The following KDM4C variants were observed in gnomAD, a reference collection of about 807,000 sequenced individuals.
KDM4C encodes the protein lysine demethylase 4C, also known as lysine-specific demethylase 4C.
A neutral mutation model predicts 129.3 loss-of-function variants in KDM4C; 81 were observed. The observed-to-expected ratio is 0.63, with a 90% CI of 0.52 to 0.75. The LOEUF (loss-of-function observed/expected upper bound fraction) is 0.75. Ranked by LOEUF, KDM4C falls within the 30% of genes least tolerant of loss-of-function variation. The probability of loss-of-function intolerance (pLI) is 0.00; values close to 1 mark genes in which losing one functional copy is unlikely to be tolerated. For synonymous variants in KDM4C, 573 were observed against 456.1 expected, an observed-to-expected ratio of 1.26 and a Z score of -3.26; for missense variants, 1,457 against 1,304.0, an observed-to-expected ratio of 1.12 and a Z score of -1.81.
At chr9:6,722,041 C>T (rs1816971756) in intron 1 of KDM4C, among the ~76,000 whole-genome samples, 1 of 152,146 alleles carries the variant, frequency 6.6e-6, no homozygotes, top group African/African-American at 2.4e-5. Flanking sequence ...TGTTTAAATC[C>T]AATTAAAAAT....
chr9:7,088,151 C>A (rs770552157), intron 17 of KDM4C, among the ~76,000 whole-genome samples: 2 of 152,150 alleles, frequency 1.3e-5, no homozygotes, highest in Non-Finnish European at 1.5e-5. Flanking sequence ...GTTTGGCTCC[C>A]CCGTATCCAC....
At chr9:6,811,886 C>G (rs148952638) in intron 3 of KDM4C, among the ~76,000 whole-genome samples, 1 of 152,070 alleles carries the variant, frequency 6.6e-6, no homozygotes, top group Non-Finnish European at 1.5e-5. Flanking sequence ...GAATCAGTAT[C>G]GGGCAAATTT....
intron 1 of KDM4C, among the ~76,000 whole-genome samples, chr9:6,732,621 G>C (rs1267533882): frequency 1.3e-5 from 2 of 152,144 alleles, no homozygotes; most frequent in Non-Finnish European, 2.9e-5. Context: ...TCAACAAATG[G>C]TGAAGGTCAC....
intron 19 of KDM4C, among the ~76,000 whole-genome samples, chr9:7,156,598 A>G (rs1843196119): frequency 6.6e-6 from 1 of 152,222 alleles, no homozygotes; most frequent in Admixed American, 6.5e-5. Context: ...AGCACCATTT[A>G]TTAAATAGGG....
At chr9:7,060,401 T>C (rs771178345) in intron 17 of KDM4C, among the ~76,000 whole-genome samples, 1 of 150,854 alleles carries the variant, frequency 6.6e-6, no homozygotes, top group Non-Finnish European at 1.5e-5. Flanking sequence ...GCTCCTAGGA[T>C]AGTAGTGTTA....
At chr9:7,028,851 A>T (rs1409468451) in intron 15 of KDM4C, among the ~76,000 whole-genome samples, 1 of 152,106 alleles carries the variant, frequency 6.6e-6, no homozygotes, top group Non-Finnish European at 1.5e-5. Context: ...GGCAGCACGG[A>T]ATTCAGTGCA....
At chr9:6,858,350 C>A (rs1840272669) in intron 5 of KDM4C, among the ~76,000 whole-genome samples, 1 of 151,976 alleles carries the variant, frequency 6.6e-6, no homozygotes, top group Admixed American at 6.6e-5. Context: ...ACACCACCAC[C>A]ACCACCACGA....
At chr9:6,865,762 T>C (rs1172357201) in intron 5 of KDM4C, among the ~76,000 whole-genome samples, 1 of 151,786 alleles carries the variant, frequency 6.6e-6, no homozygotes, top group Non-Finnish European at 1.5e-5. Context: ...TTTATTTTTT[T>C]TTTTGTGCGA....
chr9:6,992,479 T>C (rs1029678512), intron 12 of KDM4C, among the ~76,000 whole-genome samples: 19 of 152,292 alleles, frequency 1.2e-4, no homozygotes, highest in Admixed American at 1.2e-3. Context: ...CTCTGGGGAT[T>C]TTTCAGAATT....
intron 1 of KDM4C, among the ~76,000 whole-genome samples, chr9:6,764,305 G>T (rs569095826): frequency 1.3e-5 from 2 of 152,274 alleles, no homozygotes; most frequent in Admixed American, 6.5e-5. Flanking sequence ...AGACTATTAG[G>T]GTATGAGCAC....
chr9:6,881,713 C>G (rs1347244658), intron 6 of KDM4C, among the ~76,000 whole-genome samples: 2 of 152,144 alleles, frequency 1.3e-5, no homozygotes, highest in East Asian at 3.8e-4. Flanking sequence ...GAAGGATGAA[C>G]AAGAACTTGA....
rs374114332 is a variant in KDM4C, at chr9:6,793,141, C to A, written c.144+9C>A. ...GTGCGGGTCTTGCAAAGGTGATTATCCTTCGATGCTTTAAATGAAAAACAA... is the reference window on the plus strand; with the variant it reads ...GTGCGGGTCTTGCAAAGGTGATTATACTTCGATGCTTTAAATGAAAAACAA... On this transcript the variant is annotated intron_variant, in intron 2 of 21. Transcript: ENST00000381309. 1 of 1,607,278 alleles carries A rather than the reference C, an allele frequency of 6.2e-7. No homozygotes were observed. The highest frequency in any genetic ancestry group is 1.3e-5 in the African/African-American group (1 of 74,692).
At chr9:6,878,281 C>T (rs992747650) in intron 5 of KDM4C, among the ~76,000 whole-genome samples, 2 of 152,078 alleles carry the variant, frequency 1.3e-5, no homozygotes, top group South Asian at 2.1e-4. Context: ...GTTGGTTAAC[C>T]ATAAGAATTT....
At chr9:6,791,483 G>A (rs150086679) in intron 1 of KDM4C, among the ~76,000 whole-genome samples, 69 of 152,266 alleles carry the variant, frequency 4.5e-4, no homozygotes, top group African/African-American at 1.6e-3. Context: ...ATCCCTTTCT[G>A]TCTCCATCGT....
intron 1 of KDM4C, among the ~76,000 whole-genome samples, chr9:6,733,587 T>A (rs1817422889): frequency 6.6e-6 from 1 of 152,206 alleles, no homozygotes; most frequent in Non-Finnish European, 1.5e-5. Context: ...TCTACTTCCT[T>A]TCTCCTGGTA....
At chr9:6,947,253 AT>A (rs1265690467) in intron 8 of KDM4C, among the ~76,000 whole-genome samples, 2 of 151,944 alleles carry the variant, frequency 1.3e-5, no homozygotes, top group Non-Finnish European at 2.9e-5. Context: ...TGTGAAAGCT[AT>A]TTTTTTCTAA....
chr9:6,875,735 C>G (rs1486492096), intron 5 of KDM4C, among the ~76,000 whole-genome samples: 1 of 152,186 alleles, frequency 6.6e-6, no homozygotes, highest in East Asian at 1.9e-4. Flanking sequence ...ATCTAGGCTT[C>G]ATTCTGATAG....
intron 15 of KDM4C, among the ~76,000 whole-genome samples, chr9:7,017,000 A>G (rs1179803002): frequency 3.9e-5 from 6 of 151,928 alleles, no homozygotes; most frequent in South Asian, 4.2e-4. Context: ...CAGTGGTGCA[A>G]TCATGGCTCA....
At chr9:6,852,354 G>C (rs1839003625) in intron 5 of KDM4C, among the ~76,000 whole-genome samples, 1 of 152,188 alleles carries the variant, frequency 6.6e-6, no homozygotes, top group African/African-American at 2.4e-5. Flanking sequence ...ATGCACTAGT[G>C]CATGTGGCTT....
Sources: gnomAD v4.1 joint callset for allele counts (sites outside exome capture counted in the v4.1 genomes callset) on GRCh38, gnomAD v4.1.1 for gene constraint, MANE v1.5 for transcripts, NCBI Gene and HGNC (gene_info 2026-07-23, HGNC 2026-07-21) for gene names.